Variants in EMSY observed in about 807,000 individuals in gnomAD.
EMSY encodes EMSY transcriptional repressor, BRCA2 interacting.
EMSY carries 26 observed loss-of-function variants against 134.6 expected under a neutral mutation model. The observed-to-expected ratio is 0.19, with a 90% CI of 0.14 to 0.27. EMSY has a LOEUF of 0.27. Among genes scored for constraint, EMSY ranks in the 10% least tolerant of loss-of-function variants. The probability of loss-of-function intolerance (pLI) is 1.00; values close to 1 mark genes in which losing one functional copy is unlikely to be tolerated. For missense variants in EMSY, 1,305 were observed against 1,611.4 expected (o/e 0.81, Z 3.26); for synonymous variants, 579 against 577.8 (o/e 1.00, Z -0.03).
intron 18 of EMSY, among the ~76,000 whole-genome samples, chr11:76,544,049 A>C: frequency 6.6e-6 from 1 of 152,184 alleles, no homozygotes; most frequent in Non-Finnish European, 1.5e-5. Context: ...GACTTTTCTT[A>C]TAGTAGTAAG....
intron 8 of EMSY, among the ~76,000 whole-genome samples, chr11:76,493,536 A>C (rs553491611): frequency 4.6e-5 from 7 of 152,258 alleles, no homozygotes; most frequent in Admixed American, 4.6e-4. Flanking sequence ...CCATGGACCA[A>C]TTAGCATGCA....
chr11:76,517,146 T>C (rs572182717), intron 11 of EMSY, among the ~76,000 whole-genome samples: 25 of 152,312 alleles, frequency 1.6e-4, no homozygotes, highest in African/African-American at 6.0e-4. Context: ...TGAGTTGTTC[T>C]AACATTTTAA....
At chr11:76,445,857 G>T (rs1947363080) in intron 1 of EMSY, among the ~76,000 whole-genome samples, 1 of 152,072 alleles carries the variant, frequency 6.6e-6, no homozygotes, top group Admixed American at 6.5e-5. Context: ...TTTTCTTTAT[G>T]TCATACTGCC....
chr11:76,544,422 C>G, exon 19 of EMSY: 1 of 1,614,154 alleles, frequency 6.2e-7, no homozygotes. Flanking sequence ...AGCCAGCCCC[C>G]GCTGGAACAG....
At chr11:76,481,647 G>A (rs1043187024) in intron 8 of EMSY, among the ~76,000 whole-genome samples, 12 of 152,184 alleles carry the variant, frequency 7.9e-5, no homozygotes, top group Admixed American at 2.0e-4. Flanking sequence ...CGAACTGGGC[G>A]GAGCCCACTG....
intron 8 of EMSY, among the ~76,000 whole-genome samples, chr11:76,488,490 G>A (rs1311424728): frequency 6.6e-6 from 1 of 151,000 alleles, no homozygotes; most frequent in East Asian, 1.9e-4. Context: ...GTTTAATAAA[G>A]TTATTGTTAC....
chr11:76,471,903 C>G (rs1948584868), intron 7 of EMSY, among the ~76,000 whole-genome samples: 1 of 152,180 alleles, frequency 6.6e-6, no homozygotes, highest in Non-Finnish European at 1.5e-5. Context: ...TTACTGCTCC[C>G]TGTGCTGATG....
chr11:76,547,537 C>G (rs540331286), intron 20 of EMSY, among the ~76,000 whole-genome samples: 2 of 152,266 alleles, frequency 1.3e-5, no homozygotes, highest in Admixed American at 1.3e-4. Flanking sequence ...GGCAAGGCTA[C>G]TTAACGTCAT....
rs182871401 is a variant in EMSY at position 76,483,405 on chromosome 11, A to G, written c.1108+10565A>G. Among the ~76,000 whole-genome samples, 1,011 of 152,324 alleles carry G rather than the reference A, an allele frequency of 6.6e-3. 8 individuals carry two copies. The highest frequency in any genetic ancestry group is 0.011 in the Non-Finnish European group (780 of 68,040). On this transcript the variant is annotated intron_variant, in intron 8 of 20. Transcript: ENST00000334736. ...CAGGATCAGATTCACACATAACAAT[A>G]TTAACCTTAAATGTAAACAGGCTAA... is the stretch of plus-strand genomic sequence containing the variant.
Position 76,446,952 on chromosome 11 carries a change from G to A in EMSY, c.14G>A (p.Trp5Ter). ...ACAGAAGCAGCAATGCCTGTTGTGT[G>A]GCCAACCCTTCTGGATCTCAGCAGG... The change falls in exon 2 of 21, where the codon TGG becomes TAG. Residue 5 changes from tryptophan to a stop codon, truncating the protein, a stop_gained. Transcript: ENST00000334736. LOFTEE classifies it high-confidence loss of function. The A allele has an allele frequency of 6.2e-7, 1 of 1,613,394 alleles. No individual in the cohort carries two copies. The highest frequency in any genetic ancestry group is 8.5e-7 in the Non-Finnish European group (1 of 1,179,640).
intron 19 of EMSY, 120 bp downstream of exon 20, chr11:76,544,942 C>T (rs568414561): frequency 2.3e-5 from 25 of 1,073,032 alleles, no homozygotes; most frequent in Middle Eastern, 2.2e-4. Flanking sequence ...ACCCAAAAGC[C>T]TCATTACGCT....
intron 20 of EMSY, among the ~76,000 whole-genome samples, chr11:76,548,350 T>C (rs1951726688): frequency 6.6e-6 from 1 of 152,236 alleles, no homozygotes; most frequent in African/African-American, 2.4e-5. Context: ...TTGCTCTTTG[T>C]GGACAGTCTG....
rs548796768 is a variant in EMSY, at chr11:76,534,296, T to C, written c.2195-1599T>C. ...TAAAAGGAATGGTTTCATAATATAA[T>C]CAATTCTCTTAAGTTTAAATTCTAC... On this transcript the variant is annotated intron_variant, in intron 14 of 20. Coordinates refer to ENST00000334736, the Ensembl canonical transcript of EMSY. Among the ~76,000 whole-genome samples, 3 of 152,290 alleles carry C rather than the reference T, an allele frequency of 2.0e-5. No individual in the cohort carries two copies. In the South Asian group the frequency reaches 6.2e-4, roughly 32 times the overall value.
exon 16 of EMSY, chr11:76,537,831 C>T: frequency 1.2e-6 from 2 of 1,612,876 alleles, no homozygotes; most frequent in South Asian, 1.1e-5. Context: ...AGACAACCCA[C>T]TATTGACCTG....
intron 6 of EMSY, among the ~76,000 whole-genome samples, chr11:76,461,330 T>C (rs561670031): frequency 1.3e-5 from 2 of 152,366 alleles, no homozygotes; most frequent in East Asian, 1.9e-4. Flanking sequence ...TCTAGGTCTT[T>C]GTCGGCCCTG....
At chr11:76,520,453 C>T (rs1445364211) in intron 11 of EMSY, among the ~76,000 whole-genome samples, 1 of 151,874 alleles carries the variant, frequency 6.6e-6, no homozygotes, top group Non-Finnish European at 1.5e-5. Flanking sequence ...GAAACCATGT[C>T]AAAAAAGGTC....
intron 8 of EMSY, among the ~76,000 whole-genome samples, chr11:76,486,817 T>C (rs542837268): frequency 6.0e-4 from 92 of 152,292 alleles, no homozygotes; most frequent in Non-Finnish European, 7.2e-4. Flanking sequence ...ATAATAGTGA[T>C]GATGAAGATG....
At chr11:76,488,694 A>G (rs748686248) in intron 8 of EMSY, among the ~76,000 whole-genome samples, 4 of 152,218 alleles carry the variant, frequency 2.6e-5, no homozygotes, top group Non-Finnish European at 5.9e-5. Context: ...TATCTCACAA[A>G]ACCAGAAGTC....
chr11:76,536,030 A>G (rs1244275425), exon 15 of EMSY: 13 of 1,584,622 alleles, frequency 8.2e-6, no homozygotes, highest in African/African-American at 5.4e-5. Flanking sequence ...TCAACAATCA[A>G]AGCTCTGTTA....
Sources: allele counts gnomAD v4.1 joint callset (sites outside exome capture counted in the v4.1 genomes callset), GRCh38; gene constraint gnomAD v4.1.1; transcripts MANE v1.5; gene names NCBI Gene and HGNC (gene_info 2026-07-23, HGNC 2026-07-21).